Variants in RORA observed in about 807,000 individuals in gnomAD.
RORA encodes the protein RAR related orphan receptor A, also known as nuclear receptor ROR-alpha.
RORA carries 7 observed loss-of-function variants against 69.5 expected under a neutral mutation model. That is an observed-to-expected ratio of 0.10 (90% CI 0.06 to 0.19). The LOEUF (loss-of-function observed/expected upper bound fraction) is 0.19, where lower values mean the gene tolerates loss of function less well. Ranked by LOEUF, RORA falls within the 10% of genes least tolerant of loss-of-function variation. The probability of loss-of-function intolerance (pLI) is 1.00; values close to 1 mark genes in which losing one functional copy is unlikely to be tolerated. For synonymous variants in RORA, 261 were observed against 240.8 expected (o/e 1.08, Z -0.78); for missense variants, 457 against 663.0 (o/e 0.69, Z 3.41).
At chr15:61,190,267 C>G (rs951990609) in intron 1 of RORA, among the ~76,000 whole-genome samples, 1 of 152,096 alleles carries the variant, frequency 6.6e-6, no homozygotes, top group African/African-American at 2.4e-5. Flanking sequence ...TAAAACCTGA[C>G]TTTACAAGGG....
chr15:60,878,170 C>CAAAAAAAAA (rs11362081), intron 1 of RORA, among the ~76,000 whole-genome samples: 432 of 67,122 alleles, frequency 6.4e-3, no homozygotes, highest in East Asian at 0.011. Flanking sequence ...ACTAAAAATA[C>CAAAAAAAAA]AAAAAAAAAA....
At chr15:60,944,030 C>G (rs117826601) in intron 1 of RORA, among the ~76,000 whole-genome samples, 1 of 151,284 alleles carries the variant, frequency 6.6e-6, no homozygotes. Flanking sequence ...AAAATGGAGG[C>G]CTTTTGCCAT....
chr15:60,938,856 G>GA (rs1421639655), intron 1 of RORA, among the ~76,000 whole-genome samples: 2 of 152,174 alleles, frequency 1.3e-5, no homozygotes, highest in Non-Finnish European at 2.9e-5. Context: ...TTCGGCTACT[G>GA]AAAAAACTGG....
At chr15:60,684,460 A>G (rs1267071105) in intron 1 of RORA, among the ~76,000 whole-genome samples, 2 of 152,154 alleles carry the variant, frequency 1.3e-5, no homozygotes, top group Non-Finnish European at 2.9e-5. Flanking sequence ...TACTAAAAAT[A>G]CAAAAAATTA....
chr15:60,502,567 A>T (rs1869487), intron 8 of RORA, among the ~76,000 whole-genome samples, 193 bp downstream of exon 8: 148,554 of 152,280 alleles, frequency 0.98, 72,552 homozygotes, highest in Middle Eastern at 1. Flanking sequence ...CATCTTTACA[A>T]GTAATGTAGA....
rs1287274511 is a variant in RORA at position 60,945,307 on chromosome 15, G to C, written c.167-266621C>G. Among the ~76,000 whole-genome samples the C allele has an allele frequency of 2.0e-5, 3 of 152,188 alleles. No homozygotes were observed. In the East Asian group the frequency reaches 5.8e-4, roughly 29 times the overall value. On this transcript the variant is annotated intron_variant, in intron 1 of 10. Coordinates refer to ENST00000335670, the MANE Select transcript of RORA (RefSeq NM_134261.3). ...CTGTTGGCACGAGCTGGACATTACA[G>C]GGCTGATATCTCTGGGGACAAGGCA...
intron 1 of RORA, among the ~76,000 whole-genome samples, chr15:60,754,236 C>T (rs907236099): frequency 1.3e-5 from 2 of 152,314 alleles, no homozygotes; most frequent in African/African-American, 2.4e-5. Flanking sequence ...CTTGTGAGAA[C>T]GTGTCACATT....
chr15:60,941,498 C>A (rs1034982271), intron 1 of RORA, among the ~76,000 whole-genome samples: 3 of 152,242 alleles, frequency 2.0e-5, no homozygotes, highest in Non-Finnish European at 4.4e-5. Context: ...GGAGGAAAGT[C>A]TACCAGTGCC....
chr15:61,200,631 C>T (rs1465615631), intron 1 of RORA, among the ~76,000 whole-genome samples: 1 of 152,172 alleles, frequency 6.6e-6, no homozygotes, highest in South Asian at 2.1e-4. Context: ...ATTGTGGCAC[C>T]TTGAAACACT....
At chr15:60,822,702 C>T (rs1279953486) in intron 1 of RORA, among the ~76,000 whole-genome samples, 1 of 152,210 alleles carries the variant, frequency 6.6e-6, no homozygotes, top group Non-Finnish European at 1.5e-5. Flanking sequence ...CGCTTTCTGG[C>T]ACCACCTAGC....
chr15:60,993,978 T>C (rs1894457920), intron 1 of RORA, among the ~76,000 whole-genome samples: 1 of 152,126 alleles, frequency 6.6e-6, no homozygotes, highest in African/African-American at 2.4e-5. Flanking sequence ...CTAAGACCTA[T>C]AAAAGGGGCA....
At chr15:61,106,208 A>G (rs1010668785) in intron 1 of RORA, among the ~76,000 whole-genome samples, 1 of 152,248 alleles carries the variant, frequency 6.6e-6, no homozygotes, top group Non-Finnish European at 1.5e-5. Context: ...CATCTGCTAC[A>G]TGTTCAACAT....
chr15:60,670,008 C>T (rs1018923689), intron 2 of RORA, among the ~76,000 whole-genome samples: 2 of 152,188 alleles, frequency 1.3e-5, no homozygotes, highest in African/African-American at 2.4e-5. Flanking sequence ...TGGCTCCCTG[C>T]CCTATCTTTC....
At chr15:60,957,435 C>G (rs1025799816) in intron 1 of RORA, among the ~76,000 whole-genome samples, 16 of 152,210 alleles carry the variant, frequency 1.1e-4, no homozygotes, top group Non-Finnish European at 5.9e-5. Context: ...AGCTGTTGTT[C>G]CAACAGTTCT....
chr15:61,052,500 G>A (rs563683670), intron 1 of RORA, among the ~76,000 whole-genome samples: 1 of 152,150 alleles, frequency 6.6e-6, no homozygotes, highest in East Asian at 1.9e-4. Context: ...TGTGTTTTCC[G>A]TAAGAAAGGA....
intron 2 of RORA, among the ~76,000 whole-genome samples, chr15:60,653,983 G>A (rs1358504097): frequency 6.6e-6 from 1 of 152,126 alleles, no homozygotes; most frequent in Non-Finnish European, 1.5e-5. Context: ...ATTCTATCAG[G>A]AGACCCTGAC....
intron 2 of RORA, among the ~76,000 whole-genome samples, chr15:60,591,965 C>G (rs532052254): frequency 6.6e-6 from 1 of 152,154 alleles, no homozygotes; most frequent in African/African-American, 2.4e-5. Flanking sequence ...GGCGCCTCCC[C>G]GACCTAGGCC....
rs906980923 is a variant in RORA, at chr15:60,547,452, G to A, written c.197-15601C>T. ...AAGGATTCTCCTGCCTCAGCCTCCC[G>A]AGTAGCTGGGATTACAGGCGCCCAC... On this transcript the variant is annotated intron_variant, in intron 2 of 10. Transcript: ENST00000335670. Among the ~76,000 whole-genome samples the A allele has an allele frequency of 9.3e-5, 14 of 151,346 alleles. No individual in the cohort carries two copies. The East Asian group carries it at 9.7e-4, about 10-fold the overall frequency.
At chr15:60,563,521 G>T (rs1358618103) in intron 2 of RORA, among the ~76,000 whole-genome samples, 2 of 152,162 alleles carry the variant, frequency 1.3e-5, no homozygotes, top group Non-Finnish European at 2.9e-5. Flanking sequence ...AACACTTACT[G>T]TTCCAATTCT....
Sources: allele counts gnomAD v4.1 joint callset (sites outside exome capture counted in the v4.1 genomes callset), GRCh38; gene constraint gnomAD v4.1.1; transcripts MANE v1.5; gene names NCBI Gene and HGNC (gene_info 2026-07-23, HGNC 2026-07-21).